Variants in CCDC73 observed in about 807,000 individuals in gnomAD.
CCDC73 encodes the protein coiled-coil domain containing 73.
Under a neutral mutation model 116.5 loss-of-function variants are expected in CCDC73, and 95 were observed. The ratio of observed to expected loss-of-function variants is 0.82; its 90% confidence interval spans 0.69 to 0.97. The LOEUF (loss-of-function observed/expected upper bound fraction) is 0.97, where lower values mean the gene tolerates loss of function less well. Ranked by LOEUF, CCDC73 falls within the 50% of genes least tolerant of loss-of-function variation. CCDC73 has a pLI of 0.00. For missense variants in CCDC73, 1,066 were observed against 1,206.8 expected, an observed-to-expected ratio of 0.88 and a Z score of 1.73; for synonymous variants, 398 against 401.3, an observed-to-expected ratio of 0.99 and a Z score of 0.10.
At chr11:32,653,901 A>C in intron 11 of CCDC73, 77 bp downstream of exon 11, 1 of 1,504,860 alleles carries the variant, frequency 6.6e-7, no homozygotes, top group Non-Finnish European at 8.9e-7. Context: ...TGTGCTATGC[A>C]TGATTCCACT....
chr11:32,707,313 A>C (rs1849864423), intron 3 of CCDC73, among the ~76,000 whole-genome samples: 3 of 152,110 alleles, frequency 2.0e-5, no homozygotes, highest in Admixed American at 2.0e-4. Flanking sequence ...TAAATAAAAT[A>C]AACATTTTAC....
At chr11:32,671,797 C>A (rs182546916) in intron 9 of CCDC73, among the ~76,000 whole-genome samples, 44 of 152,286 alleles carry the variant, frequency 2.9e-4, no homozygotes, top group South Asian at 1.7e-3. Flanking sequence ...AACAACTTTG[C>A]AGCATGAACA....
chr11:32,664,457 T>A (rs919836467), intron 9 of CCDC73, among the ~76,000 whole-genome samples: 1 of 152,184 alleles, frequency 6.6e-6, no homozygotes, highest in Non-Finnish European at 1.5e-5. Flanking sequence ...GATTTTCTAG[T>A]TTATTTGCGT....
intron 7 of CCDC73, 104 bp from the exon 8 acceptor site, chr11:32,676,125 T>A (rs1856086723): frequency 1.2e-6 from 1 of 861,704 alleles, no homozygotes; most frequent in African/African-American, 1.8e-5. Flanking sequence ...TTGTTAGTAA[T>A]ATAACATAAA....
chr11:32,743,375 C>T (rs1850206721), intron 2 of CCDC73, among the ~76,000 whole-genome samples: 1 of 152,076 alleles, frequency 6.6e-6, no homozygotes, highest in Non-Finnish European at 1.5e-5. Flanking sequence ...CTCACTCAAA[C>T]TTCAGTTGTG....
intron 2 of CCDC73, among the ~76,000 whole-genome samples, chr11:32,724,596 A>C (rs1850015545): frequency 6.6e-6 from 1 of 151,388 alleles, no homozygotes; most frequent in Non-Finnish European, 1.5e-5. Flanking sequence ...TTAGAATTCA[A>C]TAGATTTCAT....
chr11:32,772,754 T>C (rs1850501789), intron 1 of CCDC73, among the ~76,000 whole-genome samples: 1 of 152,178 alleles, frequency 6.6e-6, no homozygotes, highest in South Asian at 2.1e-4. Context: ...ATTTGAACTA[T>C]TGAAGTTTGA....
chr11:32,676,130 C>A, intron 7 of CCDC73, 109 bp from the exon 8 acceptor site: 1 of 815,614 alleles, frequency 1.2e-6, no homozygotes, highest in Non-Finnish European at 1.8e-6. Flanking sequence ...AGTAATATAA[C>A]ATAAATAAAT....
chr11:32,614,640 C>T lies in CCDC73; in HGVS notation c.1678G>A (p.Val560Ile), dbSNP rs1855458024. 1.9e-6 allele frequency: 3 copies of T among 1,612,934 alleles called. No homozygotes were observed. The highest frequency in any genetic ancestry group is 2.7e-5 in the African/African-American group (2 of 75,018). Residue 560 changes from valine (V) to isoleucine (I), a missense_variant, in exon 16 of 18, where the codon GTT becomes ATT. Coordinates refer to ENST00000335185, the MANE Select transcript of CCDC73 (RefSeq NM_001008391.4). ...IHLERTRGLDVHHTDVNLEVE... is the reference protein window; with the variant it reads ...IHLERTRGLDIHHTDVNLEVE... ...TCCAGATTTACATCTGTATGGTGAA[C>T]ATCTAATCCTCTGGTTCTTTCTAGA...
chr11:32,713,923 A>C (rs549033046), intron 3 of CCDC73, among the ~76,000 whole-genome samples: 1 of 152,168 alleles, frequency 6.6e-6, no homozygotes, highest in African/African-American at 2.4e-5. Flanking sequence ...GGATTTCCTA[A>C]AATTAACCCC....
chr11:32,605,543 G>A (rs551792634), intron 17 of CCDC73: 18 of 152,222 alleles, frequency 1.2e-4, no homozygotes, highest in Admixed American at 9.8e-4. Flanking sequence ...GTTCATTTTG[G>A]TGTATTTGGC....
At chr11:32,791,109 T>C (rs1425481802) in intron 1 of CCDC73, among the ~76,000 whole-genome samples, 3 of 152,216 alleles carry the variant, frequency 2.0e-5, no homozygotes, top group Admixed American at 1.3e-4. Context: ...GAAAATCTCA[T>C]ACAGGTTTTT....
rs142787263 is a variant in CCDC73, at chr11:32,684,937, C to T, written c.391-1363G>A. On this transcript the variant is annotated intron_variant, in intron 6 of 17. Coordinates refer to ENST00000335185, the MANE Select transcript of CCDC73 (RefSeq NM_001008391.4). Reference sequence around the variant, plus strand: ...TGGAGGTTGCAGTGAATTGAGACTGCGCCAGTGCACTCCAGCCTGAGTGAC... The same window carrying T: ...TGGAGGTTGCAGTGAATTGAGACTGTGCCAGTGCACTCCAGCCTGAGTGAC... Among the ~76,000 whole-genome samples, 253 of 151,972 alleles carry T rather than the reference C, an allele frequency of 1.7e-3. 1 individual carries two copies. Among genetic ancestry groups the T allele is most frequent in the African/African-American group, 5.6e-3 (233 of 41,424 alleles).
chr11:32,644,285 G>C (rs1166279897), intron 12 of CCDC73, among the ~76,000 whole-genome samples: 1 of 152,086 alleles, frequency 6.6e-6, no homozygotes, highest in African/African-American at 2.4e-5. Flanking sequence ...GCTAAACATT[G>C]AGCACATATA....
intron 2 of CCDC73, among the ~76,000 whole-genome samples, chr11:32,733,722 G>A (rs1850100456): frequency 6.6e-6 from 1 of 152,122 alleles, no homozygotes. Flanking sequence ...TGAAACCAAC[G>A]AGAACAAAGA....
At chr11:32,685,266 CA>C (rs35408326) in intron 6 of CCDC73, among the ~76,000 whole-genome samples, 17,464 of 93,340 alleles carry the variant, frequency 0.19, 678 homozygotes, top group African/African-American at 0.23. Context: ...AACACTGGAC[CA>C]AAAAAAAAAA....
At chr11:32,625,555 A>G (rs1042253094) in intron 14 of CCDC73, among the ~76,000 whole-genome samples, 33 of 152,208 alleles carry the variant, frequency 2.2e-4, no homozygotes, top group African/African-American at 7.7e-4. Context: ...GTTTGGCTGG[A>G]TATGAAATTC....
chr11:32,700,714 T>C (rs1849804228), intron 5 of CCDC73, 77 bp downstream of exon 5: 3 of 654,220 alleles, frequency 4.6e-6, no homozygotes, highest in Non-Finnish European at 7.7e-6. Context: ...ATAAAAGGCA[T>C]CTAGCTATGT....
chr11:32,805,879 G>C, the CCDC73 span, among the ~76,000 whole-genome samples: 7 of 152,080 alleles, frequency 4.6e-5, no homozygotes, highest in Non-Finnish European at 1.0e-4. Flanking sequence ...CTATACTCAA[G>C]TATAGCATTA....
Sources: gnomAD v4.1 joint callset for allele counts (sites outside exome capture counted in the v4.1 genomes callset) on GRCh38, gnomAD v4.1.1 for gene constraint, MANE v1.5 for transcripts, NCBI Gene and HGNC (gene_info 2026-07-23, HGNC 2026-07-21) for gene names.